RYR2: variants seen among roughly 807,000 people sequenced by gnomAD.
The protein encoded by RYR2 is cardiac muscle ryanodine receptor-calcium release channel.
A neutral mutation model predicts 601.1 loss-of-function variants in RYR2; 227 were observed. The observed-to-expected ratio is 0.38, with a 90% confidence interval of 0.34 to 0.42. The LOEUF is 0.42. RYR2 is among the 10% of genes least tolerant of loss of function. The pLI is 1.00. For synonymous variants in RYR2, 2,223 were observed against 2,175.1 expected (o/e 1.02, Z -0.61); for missense variants, 4,646 against 6,156.5 (o/e 0.75, Z 8.21).
At chr1:237,621,222 G>A (rs955240280) in intron 38 of RYR2, among the ~76,000 whole-genome samples, 3 of 151,978 alleles carry the variant, frequency 2.0e-5, no homozygotes, top group African/African-American at 7.2e-5. Context: ...AAAGAAATTG[G>A]ACACATCACA....
intron 6 of RYR2, among the ~76,000 whole-genome samples, chr1:237,373,627 G>A (rs1300573874): frequency 6.6e-6 from 1 of 152,190 alleles, no homozygotes; most frequent in Non-Finnish European, 1.5e-5. Context: ...TGGCATGGGG[G>A]TTGGGGAGCA....
At chr1:237,566,918 GT>G in intron 28 of RYR2, 143 bp downstream of exon 28, 1 of 846,734 alleles carries the variant, frequency 1.2e-6, no homozygotes, top group Non-Finnish European at 1.9e-6. Context: ...TTTTGTCCTC[GT>G]AGTCTCAAAA....
At chr1:237,248,284 C>G (rs1306564707) in intron 1 of RYR2, among the ~76,000 whole-genome samples, 1 of 61,796 alleles carries the variant, frequency 1.6e-5, no homozygotes, top group Admixed American at 1.3e-4. Flanking sequence ...GCAACCCCGC[C>G]CCCCCCCCCC....
intron 76 of RYR2, among the ~76,000 whole-genome samples, chr1:237,728,145 G>A (rs571087189): frequency 1.2e-4 from 18 of 152,102 alleles, no homozygotes; most frequent in Admixed American, 9.8e-4. Context: ...ACAGTGACTT[G>A]TACATTGACA....
In RYR2 at chr1:237,355,982, AT is replaced by A. The variant is rs2149691982; in HGVS notation, c.292del (p.Trp98GlyfsTer4). 1 of 1,606,958 alleles carries A rather than the reference AT, an allele frequency of 6.2e-7. No homozygotes were observed. The highest frequency in any genetic ancestry group is 8.5e-7 in the Non-Finnish European group (1 of 1,176,154). The part of the protein sequence containing the change: ...KSEGQVDVEK[W>X]KFMMKTAQGG... The stretch of plus-strand genomic sequence containing the variant: ...TTCCACAGCAAGTTGATGTGGAAAA[AT>A]GGGTATGTGTTTCCATGTATTTGCA... On this transcript the variant is annotated frameshift_variant and splice_region_variant, in exon 4 of 105. Transcript: ENST00000366574. LOFTEE classifies it high-confidence loss of function.
chr1:237,205,639 G>A (rs1310311314), intron 1 of RYR2, among the ~76,000 whole-genome samples: 1 of 152,198 alleles, frequency 6.6e-6, no homozygotes, highest in African/African-American at 2.4e-5. Context: ...GGCCAGTCCT[G>A]GATTGCCCCA....
intron 1 of RYR2, among the ~76,000 whole-genome samples, chr1:237,074,470 G>A (rs922629640): frequency 2.6e-5 from 4 of 152,216 alleles, no homozygotes; most frequent in Non-Finnish European, 5.9e-5. Flanking sequence ...GATAGAGGCT[G>A]CTTTACACCT....
chr1:237,801,117 T>C (rs901817402), intron 97 of RYR2, among the ~76,000 whole-genome samples: 2 of 152,350 alleles, frequency 1.3e-5, no homozygotes, highest in Admixed American at 1.3e-4. Flanking sequence ...ATATTTATGC[T>C]AGCTTTTATT....
intron 10 of RYR2, among the ~76,000 whole-genome samples, chr1:237,409,966 C>T (rs3862): frequency 2.2e-3 from 329 of 152,206 alleles, no homozygotes; most frequent in Non-Finnish European, 3.3e-3. Flanking sequence ...TTGTTATATA[C>T]TCTACCCTTT....
intron 58 of RYR2, among the ~76,000 whole-genome samples, chr1:237,672,896 A>G (rs1363675383): frequency 1.3e-5 from 2 of 152,160 alleles, no homozygotes; most frequent in African/African-American, 4.8e-5. Flanking sequence ...AGCACCTTCC[A>G]TGTATGATAG....
chr1:237,734,528 T>A (rs1690967182), intron 79 of RYR2, among the ~76,000 whole-genome samples: 1 of 152,196 alleles, frequency 6.6e-6, no homozygotes, highest in African/African-American at 2.4e-5. Flanking sequence ...ACAGGTCCCA[T>A]GGCATAGTAG....
Position 237,614,723 on chromosome 1 carries a change from G to A in RYR2, c.5595G>A (p.Glu1865=), listed in dbSNP as rs1054011849. 13 of 1,613,918 alleles carry A rather than the reference G, an allele frequency of 8.1e-6. No individual in the cohort carries two copies. The highest frequency in any genetic ancestry group is 2.7e-5 in the African/African-American group (2 of 74,940). The change falls in exon 37 of 105, where the codon GAG becomes GAA. Residue 1865 remains glutamate, a synonymous_variant. Coordinates refer to ENST00000366574, the MANE Select transcript of RYR2 (RefSeq NM_001035.3). The surrounding 1 kb of genome is among the most constrained non-coding windows in gnomAD (Gnocchi z 4.3). ...ATPEEESDTL[E]KELSVDDAKL... is the part of the protein sequence containing the mutation. ...CGGAGGAGGAGAGTGACACGCTGGAGAAAGAGCTCAGTGTGGACGATGCAA... is the reference window on the plus strand; with the variant it reads ...CGGAGGAGGAGAGTGACACGCTGGAAAAAGAGCTCAGTGTGGACGATGCAA...
chr1:237,622,045 G>A (rs1017052085), intron 38 of RYR2, among the ~76,000 whole-genome samples: 4 of 151,974 alleles, frequency 2.6e-5, no homozygotes, highest in African/African-American at 4.8e-5. Context: ...TGCATAAAGC[G>A]TACTTGAAGT....
chr1:237,577,765 C>G (rs554372223), intron 29 of RYR2, among the ~76,000 whole-genome samples: 13 of 152,152 alleles, frequency 8.5e-5, no homozygotes, highest in African/African-American at 3.1e-4. Context: ...GTGTCACAAA[C>G]AAAAGTTTAT....
chr1:237,441,173 T>TA (rs1707864012), intron 12 of RYR2, 146 bp from the exon 13 acceptor site: 3 of 668,094 alleles, frequency 4.5e-6, no homozygotes. Flanking sequence ...GTCGAACTGT[T>TA]AGAGTAAAAT....
chr1:237,599,840 T>G (rs937299249), intron 34 of RYR2, among the ~76,000 whole-genome samples: 10 of 149,308 alleles, frequency 6.7e-5, no homozygotes. Context: ...ATCAGTTATC[T>G]AGGAATACAT....
At chr1:237,414,071 A>T (rs1704700070) in intron 10 of RYR2, among the ~76,000 whole-genome samples, 1 of 152,104 alleles carries the variant, frequency 6.6e-6, no homozygotes, top group Admixed American at 6.6e-5. Flanking sequence ...ACGATGAGTA[A>T]AAGTCTTTAA....
intron 98 of RYR2, 47 bp downstream of exon 98, chr1:237,801,963 A>G (rs372454669): frequency 3.4e-6 from 4 of 1,183,014 alleles, no homozygotes; most frequent in South Asian, 2.5e-5. Context: ...CTGATTAGAT[A>G]AGACTGTGGG....
intron 1 of RYR2, among the ~76,000 whole-genome samples, chr1:237,108,382 T>C (rs1009313694): frequency 3.3e-5 from 5 of 152,188 alleles, no homozygotes; most frequent in Admixed American, 2.6e-4. Context: ...CATAGAGGCT[T>C]GGCTGGAGGA....
Sources: allele counts gnomAD v4.1 joint callset (sites outside exome capture counted in the v4.1 genomes callset), GRCh38; gene constraint gnomAD v4.1.1; non-coding constraint Gnocchi (gnomAD v3.1); transcripts MANE v1.5; gene names NCBI Gene and HGNC (gene_info 2026-07-23, HGNC 2026-07-21).